Variants in MAS1 observed in about 807,000 individuals in gnomAD.
MAS1 encodes the protein MAS1 proto-oncogene, G protein-coupled receptor.
For synonymous variants in MAS1, 163 were observed against 164.2 expected, an observed-to-expected ratio of 0.99 and a Z score of 0.05; for missense variants, 387 against 409.7, an observed-to-expected ratio of 0.94 and a Z score of 0.48.
At chr6:159,904,094 T>G (rs1376431862) in intron 2 of MAS1, among the ~76,000 whole-genome samples, 1 of 152,192 alleles carries the variant, frequency 6.6e-6, no homozygotes, top group African/African-American at 2.4e-5. Flanking sequence ...TCTTCCCCAG[T>G]TGTCCTCCTG....
chr6:159,904,876 T>C (rs1164856577), intron 2 of MAS1, among the ~76,000 whole-genome samples: 1 of 152,258 alleles, frequency 6.6e-6, no homozygotes, highest in Non-Finnish European at 1.5e-5. Context: ...CTCCTGCTTC[T>C]GGAACTTCGA....
chr6:159,889,399 G>A (rs958387126), upstream of MAS1, among the ~76,000 whole-genome samples: 1 of 152,154 alleles, frequency 6.6e-6, no homozygotes, highest in Non-Finnish European at 1.5e-5. Flanking sequence ...GGCAGCCCCT[G>A]ATCTGAGAAG....
chr6:159,907,632 T>C lies in MAS1; in HGVS notation c.677T>C (p.Leu226Pro). ...KNTWASHSSK[L>P]YIVIMVTIII... Reference sequence around the variant, plus strand: ...ACGTGGGCTTCCCATTCCTCCAAGCTTTACATAGTCATCATGGTCACCATC... The same window carrying C: ...ACGTGGGCTTCCCATTCCTCCAAGCCTTACATAGTCATCATGGTCACCATC... Residue 226 changes from leucine (L) to proline (P), a missense_variant, in exon 3 of 3, where the codon CTT becomes CCT. Coordinates refer to ENST00000674077, the MANE Select transcript of MAS1 (RefSeq NM_002377.4). The C allele has an allele frequency of 6.2e-7, 1 of 1,613,904 alleles. No homozygotes were observed. Among genetic ancestry groups the C allele is most frequent in the Non-Finnish European group, 8.5e-7 (1 of 1,179,972 alleles).
At chr6:159,898,097 G>A (rs1196624821) in intron 1 of MAS1, among the ~76,000 whole-genome samples, 1 of 151,826 alleles carries the variant, frequency 6.6e-6, no homozygotes, top group Non-Finnish European at 1.5e-5. Flanking sequence ...TTACCATGTT[G>A]GCCAGGCTGG....
At position 159,915,911 on chromosome 6, in the gene MAS1, A is replaced by G. The variant is rs111744414; in HGVS notation, c.*7978A>G. ...GCCGACCCCCACCTCCTGCCCCTCA[A>G]TAGGGAGCATCACTCCCCGACGTCA... On this transcript the variant is annotated 3_prime_UTR_variant, in exon 3 of 3. Transcript: ENST00000674077. The G allele has an allele frequency of 2.0e-5, 3 of 152,608 alleles. No individual in the cohort carries two copies. Among genetic ancestry groups the G allele is most frequent in the Admixed American group, 6.5e-5 (1 of 15,286 alleles). 9.5% of individuals were successfully genotyped at this position (152,608 alleles called of 1,614,324 possible). A position where few individuals can be genotyped will look rare whatever the true frequency, so the allele number is the denominator to read the frequency against.
In MAS1 at chr6:159,907,564, G is replaced by T; in HGVS notation, c.609G>T (p.Met203Ile). Residue 203 changes from methionine (M) to isoleucine (I), a missense_variant, in exon 3 of 3, where the codon ATG becomes ATT. Physicochemically the swap from Met to Ile is conservative, Grantham distance 10. Coordinates refer to ENST00000674077, the MANE Select transcript of MAS1 (RefSeq NM_002377.4). ...ILSFLVFTPL[M>I]LVSSTILVVK... The stretch of plus-strand genomic sequence containing the variant: ...GCTTCCTGGTCTTCACGCCCCTCAT[G>T]CTGGTGTCCAGCACCATCTTGGTCG... 6.2e-7 allele frequency: 1 copy of T among 1,614,022 alleles called. No individual in the cohort carries two copies. Among genetic ancestry groups the T allele is most frequent in the Non-Finnish European group, 8.5e-7 (1 of 1,180,022 alleles).
intron 2 of MAS1, among the ~76,000 whole-genome samples, chr6:159,903,973 T>A (rs769239243): frequency 1.3e-5 from 2 of 152,156 alleles, no homozygotes; most frequent in Admixed American, 1.3e-4. Context: ...ACTCCCATGG[T>A]CAATATCAAG....
intron 1 of MAS1, among the ~76,000 whole-genome samples, chr6:159,897,333 A>C (rs114617426): frequency 0.014 from 2,185 of 152,208 alleles, 56 homozygotes; most frequent in African/African-American, 0.05. Flanking sequence ...GTTGAGGCAG[A>C]TTATCTGTCT....
chr6:159,890,196 A>T (rs1210919276), upstream of MAS1, among the ~76,000 whole-genome samples: 2 of 152,222 alleles, frequency 1.3e-5, no homozygotes, highest in Non-Finnish European at 2.9e-5. Flanking sequence ...AATGGGTAAC[A>T]TATTGGCCAT....
chr6:159,892,097 C>A (rs541973010), intron 1 of MAS1, among the ~76,000 whole-genome samples: 1 of 152,272 alleles, frequency 6.6e-6, no homozygotes, highest in South Asian at 2.1e-4. Context: ...TAAATTGATC[C>A]TGTGGTATGT....
chr6:159,904,815 C>T (rs1006162864), intron 2 of MAS1, among the ~76,000 whole-genome samples: 10 of 152,224 alleles, frequency 6.6e-5, no homozygotes, highest in African/African-American at 2.4e-4. Context: ...TTCTCCTTGC[C>T]GGGCCGTTCC....
chr6:159,893,741 A>G (rs1415243191), intron 1 of MAS1, among the ~76,000 whole-genome samples: 1 of 152,178 alleles, frequency 6.6e-6, no homozygotes, highest in East Asian at 1.9e-4. Context: ...ATCTATGTAC[A>G]TATATTCCTT....
At position 159,897,984 on chromosome 6, in the gene MAS1, C is replaced by T. The variant is rs969647242; in HGVS notation, c.-243-1202C>T. On this transcript the variant is annotated intron_variant, in intron 1 of 2. Coordinates refer to ENST00000674077, the MANE Select transcript of MAS1 (RefSeq NM_002377.4). ...CTTGGCTCACTGCATCCTCTGTCTCCGGGGTTCAAGTGGTTCTCCTGCCTC... is the reference window on the plus strand; with the variant it reads ...CTTGGCTCACTGCATCCTCTGTCTCTGGGGTTCAAGTGGTTCTCCTGCCTC... 3.3e-5 allele frequency among the ~76,000 whole-genome samples: 5 copies of T among 151,944 alleles called. No homozygotes were observed. In the East Asian group the frequency reaches 5.8e-4, roughly 18 times the overall value.
At chr6:159,898,357 G>C (rs984353440) in intron 1 of MAS1, among the ~76,000 whole-genome samples, 7 of 152,040 alleles carry the variant, frequency 4.6e-5, no homozygotes, top group South Asian at 4.2e-4. Flanking sequence ...AGAGAGCTCC[G>C]GGCTAAGATC....
chr6:159,906,155 T>G (rs927380070), intron 2 of MAS1, among the ~76,000 whole-genome samples: 11 of 152,164 alleles, frequency 7.2e-5, no homozygotes, highest in Non-Finnish European at 1.3e-4. Flanking sequence ...AAAAAAAATT[T>G]TTTTGAGTGC....
At position 159,913,525 on chromosome 6, in the gene MAS1, G is replaced by T. The variant is rs1203166605; in HGVS notation, c.*5592G>T. 6.6e-6 allele frequency: 1 copy of T among 152,192 alleles called. No homozygotes were observed. Among genetic ancestry groups the T allele is most frequent in the Non-Finnish European group, 1.5e-5 (1 of 68,052 alleles). The allele number at this position is 152,192 out of a possible 1,614,324, so 9.4% of individuals were successfully genotyped here. A position where few individuals can be genotyped will look rare whatever the true frequency, so the allele number is the denominator to read the frequency against. ...TGGCTGAGGCAGAAGCCACCTGAAG[G>T]CTTGACTAGGCAGGGCAATCGAGGT... On this transcript the variant is annotated 3_prime_UTR_variant, in exon 3 of 3. Coordinates refer to ENST00000674077, the MANE Select transcript of MAS1 (RefSeq NM_002377.4).
rs575442638 is a variant in MAS1, at chr6:159,900,781, T to C, written c.-37+1389T>C. ...GAAGCAGAGTGTATTCTTAGAACTG[T>C]TATAATGGGCTTTATTTCTTGAAAC... On this transcript the variant is annotated intron_variant, in intron 2 of 2. Transcript: ENST00000674077. 5.6e-4 allele frequency among the ~76,000 whole-genome samples: 85 copies of C among 152,306 alleles called. 2 individuals carry two copies. The South Asian group carries it at 0.017, about 30-fold the overall frequency.
At chr6:159,893,947 G>T (rs909800563) in intron 1 of MAS1, among the ~76,000 whole-genome samples, 7 of 152,150 alleles carry the variant, frequency 4.6e-5, no homozygotes, top group Admixed American at 6.5e-5. Context: ...GTGTTGGAAG[G>T]CTATTAGGCA....
intron 2 of MAS1, among the ~76,000 whole-genome samples, chr6:159,904,396 AC>A (rs2115116169): frequency 6.6e-6 from 1 of 152,100 alleles, no homozygotes; most frequent in African/African-American, 2.4e-5. Context: ...CTCGAACTCC[AC>A]AGGCCCTGCT....
Sources: gnomAD v4.1 joint callset for allele counts (sites outside exome capture counted in the v4.1 genomes callset) on GRCh38, gnomAD v4.1.1 for gene constraint, MANE v1.5 for transcripts, NCBI Gene and HGNC (gene_info 2026-07-23, HGNC 2026-07-21) for gene names.